Variants in PKP4 observed in about 807,000 individuals in gnomAD.
PKP4 encodes plakophilin 4, also known as plakophilin-4.
PKP4 carries 90 observed loss-of-function variants against 145.1 expected under a neutral mutation model. The observed-to-expected ratio is 0.62, with a 90% CI of 0.52 to 0.74. The LOEUF (loss-of-function observed/expected upper bound fraction) is 0.74, where lower values mean the gene tolerates loss of function less well. Among genes scored for constraint, PKP4 ranks in the 30% least tolerant of loss-of-function variants. The pLI is 0.00. For missense variants in PKP4, 1,340 were observed against 1,482.7 expected (o/e 0.90, Z 1.58); for synonymous variants, 563 against 577.2 (o/e 0.98, Z 0.35).
chr2:158,471,987 G>T (rs921205705), intron 1 of PKP4, among the ~76,000 whole-genome samples: 1 of 152,148 alleles, frequency 6.6e-6, no homozygotes, highest in Admixed American at 6.5e-5. Flanking sequence ...ACCAAAAAGC[G>T]CTATCTAGGA....
Position 158,640,697 on chromosome 2 carries a change from C to G in PKP4, c.1633C>G (p.Gln545Glu), listed in dbSNP as rs1213699834. The change falls in exon 10 of 22, where the codon CAG (glutamine) becomes GAG (glutamate). Residue 545 changes from glutamine to glutamate, a missense_variant. Coordinates refer to ENST00000389759, the MANE Select transcript of PKP4 (RefSeq NM_003628.6). ...HMLQHQFPSV[Q>E]ANAAAYLQHL... ...GCTTCAGCACCAGTTCCCATCTGTT[C>G]AGGCAAATGCAGCGGCCTACCTGCA... 2 of 1,613,986 alleles carry G rather than the reference C, an allele frequency of 1.2e-6. No individual in the cohort carries two copies. The highest frequency in any genetic ancestry group is 1.7e-6 in the Non-Finnish European group (2 of 1,179,992).
At chr2:158,672,801 T>TC (rs1425102927) in intron 17 of PKP4, among the ~76,000 whole-genome samples, 2 of 151,942 alleles carry the variant, frequency 1.3e-5, no homozygotes, top group Non-Finnish European at 2.9e-5. Flanking sequence ...CACCACCTGC[T>TC]CCCCTCCCTT....
chr2:158,533,250 C>G lies in PKP4; in HGVS notation c.66C>G (p.Ala22=). ...AACCACAGACCCGCCAGGAAGCTGC[C>G]TCCACTGGCCCAGGCATGGAACCCG... is the stretch of plus-strand genomic sequence containing the variant. ...EGQPQTRQEA[A]STGPGMEPET... The change falls in exon 2 of 22, where the codon GCC becomes GCG. Residue 22 remains alanine (A), a synonymous_variant. Coordinates refer to ENST00000389759, the MANE Select transcript of PKP4 (RefSeq NM_003628.6). The G allele has an allele frequency of 6.2e-7, 1 of 1,613,942 alleles. No individual in the cohort carries two copies. The highest frequency in any genetic ancestry group is 1.3e-5 in the African/African-American group (1 of 75,016).
At chr2:158,497,451 A>G (rs953873719) in intron 1 of PKP4, among the ~76,000 whole-genome samples, 1 of 152,142 alleles carries the variant, frequency 6.6e-6, no homozygotes, top group Non-Finnish European at 1.5e-5. Context: ...AGAATCACAC[A>G]GAGAAAATAG....
At chr2:158,635,281 T>G (rs930771600) in intron 9 of PKP4, among the ~76,000 whole-genome samples, 1 of 152,212 alleles carries the variant, frequency 6.6e-6, no homozygotes, top group African/African-American at 2.4e-5. Context: ...ACCGCTTCAC[T>G]TATTCACTTC....
intron 1 of PKP4, among the ~76,000 whole-genome samples, chr2:158,472,386 G>C (rs1300910982): frequency 5.3e-5 from 8 of 152,114 alleles, no homozygotes; most frequent in Non-Finnish European, 1.0e-4. Context: ...GAGGCGGGCA[G>C]ATCATGAGGT....
intron 1 of PKP4, among the ~76,000 whole-genome samples, chr2:158,518,419 A>G (rs866398618): frequency 4.6e-5 from 7 of 152,324 alleles, no homozygotes; most frequent in Middle Eastern, 6.8e-3. Context: ...GTGGGGCAGT[A>G]GATGCTCCCT....
chr2:158,647,866 CAAAGT>C (rs1004686873), intron 11 of PKP4, among the ~76,000 whole-genome samples: 4 of 152,182 alleles, frequency 2.6e-5, no homozygotes, highest in African/African-American at 9.7e-5. Context: ...TGCTAGGCCA[CAAAGT>C]ATGGAGGACA....
intron 2 of PKP4, among the ~76,000 whole-genome samples, chr2:158,567,369 T>C (rs899600087): frequency 6.6e-6 from 1 of 152,074 alleles, no homozygotes; most frequent in Non-Finnish European, 1.5e-5. Context: ...AAGGAAGTGA[T>C]AGGAGACCAC....
At chr2:158,487,260 C>CT (rs1013070926) in intron 1 of PKP4, among the ~76,000 whole-genome samples, 7 of 151,980 alleles carry the variant, frequency 4.6e-5, no homozygotes, top group African/African-American at 1.2e-4. Flanking sequence ...GGCACAAAGC[C>CT]TTTTTTTAAA....
chr2:158,642,068 C>T (rs1024254625), intron 10 of PKP4, among the ~76,000 whole-genome samples: 3 of 152,220 alleles, frequency 2.0e-5, no homozygotes, highest in African/African-American at 7.2e-5. Flanking sequence ...GTTGCCCAGG[C>T]TGGAGTGCAG....
Position 158,631,812 on chromosome 2 carries a change from G to A in PKP4, c.1213G>A (p.Val405Met), listed in dbSNP as rs375824181. Residue 405 changes from valine (V) to methionine (M), a missense_variant, in exon 8 of 22, where the codon GTG (valine) becomes ATG (methionine). Coordinates refer to ENST00000389759, the MANE Select transcript of PKP4 (RefSeq NM_003628.6). ...GCTTGGGCAAGACCTTCGTTCTGCC[G>A]TGTCTCCCGACTTGCACATTACTCC... ...SQLGQDLRSAVSPDLHITPIY... is the reference protein window; with the variant it reads ...SQLGQDLRSAMSPDLHITPIY... The A allele has an allele frequency of 3.3e-5, 53 of 1,613,884 alleles. No homozygotes were observed. Among genetic ancestry groups the A allele is most frequent in the East Asian group, 1.6e-4 (7 of 44,900 alleles).
chr2:158,656,316 G>A (rs1316098008), intron 11 of PKP4, among the ~76,000 whole-genome samples: 2 of 151,934 alleles, frequency 1.3e-5, no homozygotes, highest in Admixed American at 6.6e-5. Flanking sequence ...AGCTCCAACT[G>A]TAGAATTTAA....
Position 158,488,492 on chromosome 2 carries a change from T to C in PKP4, c.-6+31274T>C, listed in dbSNP as rs186547327. 4.6e-5 allele frequency among the ~76,000 whole-genome samples: 7 copies of C among 152,260 alleles called. No homozygotes were observed. The East Asian group carries it at 9.7e-4, about 21-fold the overall frequency. On this transcript the variant is annotated intron_variant, in intron 1 of 21. Transcript: ENST00000389759. ...GTATTGTCCCACTACCTCTAAATAA[T>C]GTGGGGAAGCAGTCACAGAGAAGAG...
At chr2:158,625,694 CT>C (rs534782570) in intron 7 of PKP4, among the ~76,000 whole-genome samples, 1 of 151,716 alleles carries the variant, frequency 6.6e-6, no homozygotes, top group Non-Finnish European at 1.5e-5. Context: ...TTAAAATGTG[CT>C]TTTTTTGCAT....
intron 3 of PKP4, among the ~76,000 whole-genome samples, chr2:158,596,456 T>G (rs1157245018): frequency 6.6e-6 from 1 of 152,048 alleles, no homozygotes; most frequent in African/African-American, 2.4e-5. Context: ...AATGTACAAA[T>G]GTATTTTAAA....
At position 158,530,905 on chromosome 2, in the gene PKP4, C is replaced by A. The variant is rs142427074; in HGVS notation, c.-5-2275C>A. Among the ~76,000 whole-genome samples the A allele has an allele frequency of 1.2e-3, 182 of 152,236 alleles. 1 individual carries two copies. Among genetic ancestry groups the A allele is most frequent in the African/African-American group, 4.1e-3 (172 of 41,550 alleles). ...AAGCTTCTCAGCATTATATTAGTTT[C>A]TTTTACACAGTTATAAGCTCTCTGA... On this transcript the variant is annotated intron_variant, in intron 1 of 21. Transcript: ENST00000389759.
intron 3 of PKP4, among the ~76,000 whole-genome samples, chr2:158,589,359 G>A (rs1035933455): frequency 6.6e-6 from 1 of 151,972 alleles, no homozygotes; most frequent in Non-Finnish European, 1.5e-5. Context: ...CTTTACCATT[G>A]GAGTGTCAAG....
intron 1 of PKP4, among the ~76,000 whole-genome samples, chr2:158,528,542 C>T (rs1400542938): frequency 6.1e-5 from 8 of 131,324 alleles, no homozygotes; most frequent in Non-Finnish European, 1.1e-4. Context: ...TGCTAGATGA[C>T]GAGTTAGTGG....
Sources: gnomAD v4.1 joint callset for allele counts (sites outside exome capture counted in the v4.1 genomes callset) on GRCh38, gnomAD v4.1.1 for gene constraint, MANE v1.5 for transcripts, NCBI Gene and HGNC (gene_info 2026-07-23, HGNC 2026-07-21) for gene names.